TARS1: variants seen among roughly 807,000 people sequenced by gnomAD.
TARS1 encodes the protein threonine--tRNA ligase 1, cytoplasmic.
A neutral mutation model predicts 97.7 loss-of-function variants in TARS1; 57 were observed. The ratio of observed to expected loss-of-function variants is 0.58; its 90% CI spans 0.47 to 0.73. The LOEUF (loss-of-function observed/expected upper bound fraction) is 0.73, where lower values mean the gene tolerates loss of function less well. Ranked by LOEUF, TARS1 falls within the 30% of genes least tolerant of loss-of-function variation. The pLI is 0.00. For synonymous variants in TARS1, 312 were observed against 293.7 expected, an observed-to-expected ratio of 1.06 and a Z score of -0.64; for missense variants, 806 against 888.3, an observed-to-expected ratio of 0.91 and a Z score of 1.18.
intron 10 of TARS1, 28 bp from the exon 11 acceptor site, chr5:33,459,667 A>G (rs1742197360): frequency 1.2e-6 from 2 of 1,612,338 alleles, no homozygotes; most frequent in East Asian, 2.2e-5. Context: ...TTATTTGCCT[A>G]CACATGTTTC....
chr5:33,443,148 A>G (rs980979549), intron 1 of TARS1, among the ~76,000 whole-genome samples: 7 of 152,222 alleles, frequency 4.6e-5, no homozygotes, highest in African/African-American at 2.4e-5. Context: ...CCAGTGTTGT[A>G]GAAAAGGGGT....
intron 1 of TARS1, among the ~76,000 whole-genome samples, chr5:33,443,798 A>G (rs944345017): frequency 1.3e-5 from 2 of 152,000 alleles, no homozygotes; most frequent in African/African-American, 4.8e-5. Flanking sequence ...CCCAGCCGCA[A>G]TTTTTCTTTT....
Position 33,467,707 on chromosome 5 carries a change from A to T in TARS1, c.2171A>T (p.Ter724LeuextTer1). 6.2e-7 allele frequency: 1 copy of T among 1,608,172 alleles called. No homozygotes were observed. The highest frequency in any genetic ancestry group is 2.2e-5 in the East Asian group (1 of 44,826). The part of the protein sequence containing the change: ...FRSKQAEEEF[*>L] ...AGCAAACAGGCAGAAGAAGAATTTT[A>T]ATGAAAAAATTACCCAGATTGGCTC... is the stretch of plus-strand genomic sequence containing the variant. The change falls in exon 19 of 19, where the codon TAA becomes TTA. Residue 724 changes from the stop codon to leucine (L), a stop_lost. Transcript: ENST00000265112.
At chr5:33,452,293 T>G in intron 3 of TARS1, 1 of 1,364,490 alleles carries the variant, frequency 7.3e-7, no homozygotes, top group Non-Finnish European at 1.0e-6. Flanking sequence ...TTTCTCTAGC[T>G]GTGCATTTAG....
chr5:33,446,428 C>G (rs1741417927), intron 2 of TARS1, among the ~76,000 whole-genome samples: 1 of 152,188 alleles, frequency 6.6e-6, no homozygotes, highest in African/African-American at 2.4e-5. Context: ...TCAATACAAA[C>G]ATACGTGCTG....
chr5:33,458,555 C>G lies in TARS1; in HGVS notation c.985-11C>G. On this transcript the variant is annotated splice_polypyrimidine_tract_variant and intron_variant, in intron 9 of 18. Coordinates refer to ENST00000265112, the MANE Select transcript of TARS1 (RefSeq NM_152295.5). ...CGTACATAAACATTCTTTTGCTTTT[C>G]TTTTACCCAGGACCAAGAACTATAT... is the stretch of plus-strand genomic sequence containing the variant. 6.2e-7 allele frequency: 1 copy of G among 1,607,428 alleles called. No individual in the cohort carries two copies. The highest frequency in any genetic ancestry group is 8.5e-7 in the Non-Finnish European group (1 of 1,177,858).
chr5:33,456,744 G>A (rs1049985590), intron 8 of TARS1, among the ~76,000 whole-genome samples: 1 of 152,098 alleles, frequency 6.6e-6, no homozygotes, highest in Non-Finnish European at 1.5e-5. Flanking sequence ...TTGTGGAATT[G>A]TGGTTGAGTA....
chr5:33,449,919 T>C (rs919052922), intron 3 of TARS1, among the ~76,000 whole-genome samples: 1 of 151,464 alleles, frequency 6.6e-6, no homozygotes, highest in East Asian at 2.0e-4. Flanking sequence ...TATGTGAATA[T>C]GTATGTATTC....
intron 3 of TARS1, among the ~76,000 whole-genome samples, chr5:33,451,592 C>T (rs1005718886): frequency 6.2e-4 from 94 of 152,264 alleles, no homozygotes; most frequent in African/African-American, 2.2e-3. Flanking sequence ...CCAGGATGGT[C>T]TTGATCTCCT....
In TARS1 at chr5:33,444,968, TC is replaced by T. The variant is rs762138766; in HGVS notation, c.58-352del. On this transcript the variant is annotated intron_variant, in intron 1 of 18. Coordinates refer to ENST00000265112, the MANE Select transcript of TARS1 (RefSeq NM_152295.5). Reference sequence around the variant, plus strand: ...ACTTTGCATTCAGTTTTTTTTTTTTTCCCCTGGAAATATGCTTACTGAATCA... The same window carrying T: ...ACTTTGCATTCAGTTTTTTTTTTTTTCCCTGGAAATATGCTTACTGAATCA... Among the ~76,000 whole-genome samples the T allele has an allele frequency of 2.5e-3, 382 of 152,148 alleles. 1 individual carries two copies. The highest frequency in any genetic ancestry group is 8.7e-3 in the African/African-American group (363 of 41,500).
At chr5:33,446,577 C>A in intron 2 of TARS1, 1 of 706,234 alleles carries the variant, frequency 1.4e-6, no homozygotes, top group Non-Finnish European at 2.2e-6. Flanking sequence ...GTACAGTGAA[C>A]TGTCCAAGAC....
rs150280643 is a variant in TARS1 at position 33,455,004 on chromosome 5, A to T, written c.513A>T (p.Gly171=). 2.9e-5 allele frequency: 46 copies of T among 1,613,886 alleles called. 1 individual carries two copies. In the African/African-American group the frequency reaches 5.5e-4, roughly 19 times the overall value. The change falls in exon 5 of 19, where the codon GGA becomes GGT. Residue 171 remains glycine (G), a synonymous_variant. Coordinates refer to ENST00000265112, the MANE Select transcript of TARS1 (RefSeq NM_152295.5). ...AAGCCATGGAAAGAGTCTATGGTGG[A>T]TGTTTATGCTACGGTCCGCCAATAG... is the stretch of plus-strand genomic sequence containing the variant. The part of the protein sequence containing the change: ...MGEAMERVYG[G]CLCYGPPIEN...
intron 1 of TARS1, among the ~76,000 whole-genome samples, chr5:33,443,320 CCTCT>C (rs769681224): frequency 0.09 from 10,650 of 118,214 alleles, 403 homozygotes; most frequent in South Asian, 0.15. Flanking sequence ...TCTCTCTCTC[CCTCT>C]CTCTCTCTCT....
At chr5:33,467,036 A>G (rs549093252) in intron 18 of TARS1, 51 bp downstream of exon 18, 6 of 1,148,426 alleles carry the variant, frequency 5.2e-6, no homozygotes, top group East Asian at 2.7e-5. Flanking sequence ...AGGAAAATCT[A>G]CTGAAACCTT....
intron 1 of TARS1, chr5:33,441,870 G>A (rs951477695): frequency 6.6e-6 from 1 of 152,314 alleles, no homozygotes; most frequent in African/African-American, 2.4e-5. Flanking sequence ...TAAAGGTAGG[G>A]AAGGCAGTGA....
intron 17 of TARS1, chr5:33,466,344 A>G (rs1379816390): frequency 1.3e-5 from 2 of 152,134 alleles, no homozygotes; most frequent in Non-Finnish European, 2.9e-5. Flanking sequence ...ACTATTAAAT[A>G]TTATTCTATT....
chr5:33,463,968 G>C lies in TARS1; in HGVS notation c.1908+143G>C. On this transcript the variant is annotated intron_variant, in intron 17 of 18. Coordinates refer to ENST00000265112, the MANE Select transcript of TARS1 (RefSeq NM_152295.5). ...TTTTAATCTTTGTTAAGCCTGAATAGATTATATTACTTCTTTAATGCTTTT... is the reference window on the plus strand; with the variant it reads ...TTTTAATCTTTGTTAAGCCTGAATACATTATATTACTTCTTTAATGCTTTT... The C allele has an allele frequency of 2.4e-5, 16 of 679,900 alleles. No homozygotes were observed. In the South Asian group the frequency reaches 3.3e-4, roughly 14 times the overall value. The allele number at this position is 679,900 out of a possible 1,614,324, so 42.1% of individuals were successfully genotyped here. A position where few individuals can be genotyped will look rare whatever the true frequency, so the allele number is the denominator to read the frequency against.
At chr5:33,462,058 A>G in intron 15 of TARS1, 41 bp from the exon 16 acceptor site, 1 of 1,597,610 alleles carries the variant, frequency 6.3e-7, no homozygotes, top group Non-Finnish European at 8.5e-7. Context: ...ATAAGAGAAA[A>G]TATATATAAT....
chr5:33,462,862 G>A (rs1019058080), intron 16 of TARS1, among the ~76,000 whole-genome samples: 28 of 152,198 alleles, frequency 1.8e-4, no homozygotes, highest in African/African-American at 5.5e-4. Flanking sequence ...GTAAAATGAC[G>A]TACATTGGTT....
Sources: allele counts gnomAD v4.1 joint callset (sites outside exome capture counted in the v4.1 genomes callset), GRCh38; gene constraint gnomAD v4.1.1; transcripts MANE v1.5; gene names NCBI Gene and HGNC (gene_info 2026-07-23, HGNC 2026-07-21).